The following SPOCK3 variants were observed in gnomAD, a reference collection of about 807,000 sequenced individuals.
SPOCK3 encodes SPARC (osteonectin), cwcv and kazal like domains proteoglycan 3, also known as testican-3.
A neutral mutation model predicts 56.6 loss-of-function variants in SPOCK3; 30 were observed. The ratio of observed to expected loss-of-function variants is 0.53; its 90% CI spans 0.40 to 0.72. The LOEUF (loss-of-function observed/expected upper bound fraction) is 0.72. Among genes scored for constraint, SPOCK3 ranks in the 30% least tolerant of loss-of-function variants. The pLI is 0.00. For synonymous variants in SPOCK3, 196 were observed against 183.3 expected (o/e 1.07, Z -0.56); for missense variants, 527 against 530.0 (o/e 0.99, Z 0.06).
chr4:166,999,324 G>C (rs566425355), intron 4 of SPOCK3, among the ~76,000 whole-genome samples: 115 of 152,162 alleles, frequency 7.6e-4, no homozygotes, highest in African/African-American at 2.6e-3. Flanking sequence ...TAATCCTTTT[G>C]GCATGTACAA....
At chr4:167,138,453 A>G (rs181355513) in intron 2 of SPOCK3, among the ~76,000 whole-genome samples, 1 of 151,892 alleles carries the variant, frequency 6.6e-6, no homozygotes, top group Admixed American at 6.6e-5. Flanking sequence ...TTAGAGGTGA[A>G]TGAAAAACAA....
chr4:167,092,857 C>G (rs1344835140), intron 2 of SPOCK3, among the ~76,000 whole-genome samples: 1 of 150,816 alleles, frequency 6.6e-6, no homozygotes. Flanking sequence ...GAAAATTTCC[C>G]TGATGCAAAA....
intron 4 of SPOCK3, among the ~76,000 whole-genome samples, chr4:166,976,535 C>T (rs1018526308): frequency 1.2e-4 from 18 of 152,106 alleles, no homozygotes; most frequent in African/African-American, 4.3e-4. Context: ...AACCTGGATA[C>T]CCAAGTGACT....
chr4:167,098,974 C>G (rs1759402741), intron 2 of SPOCK3, among the ~76,000 whole-genome samples: 1 of 151,818 alleles, frequency 6.6e-6, no homozygotes, highest in Non-Finnish European at 1.5e-5. Flanking sequence ...GAATTATTTA[C>G]TTTATTGGAA....
At chr4:167,186,611 G>A (rs1731985734) in intron 2 of SPOCK3, among the ~76,000 whole-genome samples, 1 of 150,130 alleles carries the variant, frequency 6.7e-6, no homozygotes, top group African/African-American at 2.5e-5. Context: ...TGGACAACAA[G>A]AGCAAAACTC....
At chr4:166,999,492 C>T (rs1748735790) in intron 4 of SPOCK3, among the ~76,000 whole-genome samples, 1 of 152,100 alleles carries the variant, frequency 6.6e-6, no homozygotes, top group Non-Finnish European at 1.5e-5. Context: ...TATGCAAGTA[C>T]ACTAAAGCCA....
At chr4:166,836,945 C>T (rs947227384) in intron 6 of SPOCK3, among the ~76,000 whole-genome samples, 1 of 152,182 alleles carries the variant, frequency 6.6e-6, no homozygotes, top group Non-Finnish European at 1.5e-5. Flanking sequence ...GACCTTGCTA[C>T]TTGGCTATCA....
chr4:167,110,078 C>T (rs1199578531), intron 2 of SPOCK3, among the ~76,000 whole-genome samples: 3 of 152,002 alleles, frequency 2.0e-5, no homozygotes, highest in Non-Finnish European at 4.4e-5. Context: ...TCTAACCCTC[C>T]TTGGGGTCTG....
intron 5 of SPOCK3, among the ~76,000 whole-genome samples, chr4:166,903,368 G>C (rs1018623703): frequency 6.6e-6 from 1 of 151,804 alleles, no homozygotes; most frequent in Non-Finnish European, 1.5e-5. Flanking sequence ...CTCAGCTGTA[G>C]TGTAATTCAG....
intron 2 of SPOCK3, among the ~76,000 whole-genome samples, chr4:167,171,706 T>G (rs1356986231): frequency 6.6e-6 from 1 of 152,088 alleles, no homozygotes; most frequent in Middle Eastern, 3.2e-3. Flanking sequence ...TTAATGATAC[T>G]ATATTTTGAT....
At chr4:167,182,059 G>A (rs891864690) in intron 2 of SPOCK3, among the ~76,000 whole-genome samples, 8 of 152,060 alleles carry the variant, frequency 5.3e-5, no homozygotes, top group African/African-American at 1.9e-4. Flanking sequence ...TTAAGCTACT[G>A]TCTTTTAATC....
chr4:167,146,754 A>G (rs1336900536), intron 2 of SPOCK3, among the ~76,000 whole-genome samples: 1 of 152,098 alleles, frequency 6.6e-6, no homozygotes, highest in Non-Finnish European at 1.5e-5. Context: ...GTTGTTCTTT[A>G]AAACCAATGA....
chr4:167,143,325 G>T (rs1349567512), intron 2 of SPOCK3, among the ~76,000 whole-genome samples: 1 of 151,860 alleles, frequency 6.6e-6, no homozygotes, highest in Admixed American at 6.6e-5. Flanking sequence ...AAGATTTTGG[G>T]TTATGGATTC....
chr4:167,234,934 GAA>G (rs1737567377), upstream of SPOCK3: 2 of 152,368 alleles, frequency 1.3e-5, no homozygotes, highest in South Asian at 4.1e-4. Context: ...GCAGACGTGA[GAA>G]ACAAGATCTG....
At chr4:167,042,950 T>A (rs768133108) in intron 3 of SPOCK3, among the ~76,000 whole-genome samples, 3 of 152,132 alleles carry the variant, frequency 2.0e-5, no homozygotes, top group Non-Finnish European at 4.4e-5. Context: ...ATCCTGTTTT[T>A]TAAGAGATGG....
chr4:167,046,450 C>CTTTTTTTTT lies in SPOCK3; in HGVS notation c.235+16033_235+16041dup, dbSNP rs67108499. On this transcript the variant is annotated intron_variant, in intron 3 of 10. Transcript: ENST00000357545. ...TTATCTTTTTTTTCTTTCTGATATT[C>CTTTTTTTTT]TTTTTTTTTTTTTTTTTTTTTTTTT... Among the ~76,000 whole-genome samples the CTTTTTTTTT allele has an allele frequency of 4.8e-4, 26 of 53,700 alleles. 1 individual carries two copies. Among genetic ancestry groups the CTTTTTTTTT allele is most frequent in the Admixed American group, 7.6e-4 (3 of 3,958 alleles). 35.2% of individuals were successfully genotyped at this position (53,700 alleles called of 152,430 possible). A position where few individuals can be genotyped will look rare whatever the true frequency, so the allele number is the denominator to read the frequency against.
chr4:166,851,358 A>G (rs1362909371), intron 6 of SPOCK3, among the ~76,000 whole-genome samples: 1 of 152,226 alleles, frequency 6.6e-6, no homozygotes, highest in Non-Finnish European at 1.5e-5. Context: ...TAAAACCACA[A>G]AGATGGGGAA....
At chr4:166,988,593 C>A (rs926834499) in intron 4 of SPOCK3, among the ~76,000 whole-genome samples, 4 of 151,934 alleles carry the variant, frequency 2.6e-5, no homozygotes, top group African/African-American at 7.2e-5. Flanking sequence ...AATATAGTAA[C>A]AAATAAACAG....
rs1750845362 is a variant in SPOCK3, at chr4:167,018,333, A to G, written c.236-17870T>C. On this transcript the variant is annotated intron_variant, in intron 3 of 10. Coordinates refer to ENST00000357545, the MANE Select transcript of SPOCK3 (RefSeq NM_001040159.2). The stretch of plus-strand genomic sequence containing the variant: ...ATAATGAAGTGTCCAGCCTGGTTTA[A>G]TCATTACATACTTTAGAATGTCTCC... Among the ~76,000 whole-genome samples, 7 of 152,214 alleles carry G rather than the reference A, an allele frequency of 4.6e-5. No homozygotes were observed. In the South Asian group the frequency reaches 1.5e-3, roughly 32 times the overall value.
Sources: gnomAD v4.1 joint callset for allele counts (sites outside exome capture counted in the v4.1 genomes callset) on GRCh38, gnomAD v4.1.1 for gene constraint, MANE v1.5 for transcripts, NCBI Gene and HGNC (gene_info 2026-07-23, HGNC 2026-07-21) for gene names.